Variants in ERCC8 observed in about 807,000 individuals in gnomAD.
ERCC8 encodes ERCC excision repair 8, CSA ubiquitin ligase complex subunit, also known as DNA excision repair protein ERCC-8.
In ERCC8, 52 loss-of-function variants were observed where a neutral mutation model predicts 54.9. That is an observed-to-expected ratio of 0.95 (90% CI 0.76 to 1.19). The LOEUF (loss-of-function observed/expected upper bound fraction) is 1.19, where lower values mean the gene tolerates loss of function less well. Ranked by LOEUF, ERCC8 falls within the 50% of genes most tolerant of loss-of-function variation. The pLI, the probability that ERCC8 is intolerant of heterozygous loss-of-function variation, is 0.00. For synonymous variants in ERCC8, 146 were observed against 157.2 expected, an observed-to-expected ratio of 0.93 and a Z score of 0.53; for missense variants, 514 against 466.1, an observed-to-expected ratio of 1.10 and a Z score of -0.95.
chr5:60,910,176 G>T, intron 4 of ERCC8, among the ~76,000 whole-genome samples: 1 of 152,116 alleles, frequency 6.6e-6, no homozygotes, highest in South Asian at 2.1e-4. Flanking sequence ...AGGGTTACCT[G>T]TATTATCATA....
chr5:60,877,913 A>C (rs1192208416), intron 11 of ERCC8, among the ~76,000 whole-genome samples: 11 of 152,156 alleles, frequency 7.2e-5, no homozygotes, highest in Admixed American at 2.0e-4. Context: ...ACTATGTTGA[A>C]TAGGAGTGGT....
At position 60,874,652 on chromosome 5, in the gene ERCC8, A is replaced by C. The variant is rs757529880; in HGVS notation, c.1154T>G (p.Phe385Cys). ...ATCACTGCTGCTCCAGGCATCTTCA[A>C]AGGCCGGATTTAATTGTGATTTTGT... is the stretch of plus-strand genomic sequence containing the variant. The part of the protein sequence containing the change: ...TTTKSQLNPA[F>C]EDAWSSSDEE... Residue 385 changes from phenylalanine (F) to cysteine (C), a missense_variant, in exon 12 of 12, where the codon TTT becomes TGT. Coordinates refer to ENST00000676185, the MANE Select transcript of ERCC8 (RefSeq NM_000082.4). 1.9e-6 allele frequency: 3 copies of C among 1,613,138 alleles called. No homozygotes were observed. In the East Asian group the frequency reaches 6.7e-5, roughly 36 times the overall value.
chr5:60,938,348 GA>G (rs199546245), intron 1 of ERCC8, among the ~76,000 whole-genome samples: 17,719 of 85,326 alleles, frequency 0.21, 2,010 homozygotes, highest in African/African-American at 0.31. Flanking sequence ...CTACCTTTTT[GA>G]ATTTTTTTTT....
chr5:60,914,789 T>TA (rs55638584), intron 4 of ERCC8, among the ~76,000 whole-genome samples: 59,780 of 121,122 alleles, frequency 0.49, 15,687 homozygotes, highest in East Asian at 0.8. Flanking sequence ...TCTTGTCTCT[T>TA]AAAAAAAAAA....
At chr5:60,929,000 T>A (rs1749831093) in intron 1 of ERCC8, 41 bp from the exon 2 acceptor site, 1 of 1,212,402 alleles carries the variant, frequency 8.2e-7, no homozygotes, top group Non-Finnish European at 1.2e-6. Flanking sequence ...ACAAGTAATT[T>A]AACATTTAAA....
rs550950067 is a variant in ERCC8, at chr5:60,884,534, T to G, written c.1122+2906A>C. ...ATATGTGTGTATGTGTTTTTTTTTT[T>G]TTTGTTTTCTAGTGTGGTATACTGC... On this transcript the variant is annotated intron_variant, in intron 11 of 11. Transcript: ENST00000676185. 5.6e-4 allele frequency among the ~76,000 whole-genome samples: 84 copies of G among 150,628 alleles called. 1 individual carries two copies. Among genetic ancestry groups the G allele is most frequent in the East Asian group, 1.4e-3 (7 of 5,182 alleles).
At position 60,928,930 on chromosome 5, in the gene ERCC8, C is replaced by G. The variant is rs138096094; in HGVS notation, c.107G>C (p.Arg36Thr). The stretch of plus-strand genomic sequence containing the variant: ...ACCGCCGTGGATTCTTTCAACATCT[C>G]TGTCTTTATTTAATTCCAGTCCCAA... Reference protein sequence around the residue: ...RVLGLELNKDRDVERIHGGGI... With the variant: ...RVLGLELNKDTDVERIHGGGI... Residue 36 changes from arginine (R) to threonine (T), a missense_variant, in exon 2 of 12, where the codon AGA (arginine) becomes ACA (threonine). Coordinates refer to ENST00000676185, the MANE Select transcript of ERCC8 (RefSeq NM_000082.4). 1.2e-6 allele frequency: 2 copies of G among 1,607,504 alleles called. No homozygotes were observed. Among genetic ancestry groups the G allele is most frequent in the Non-Finnish European group, 8.5e-7 (1 of 1,175,140 alleles).
intron 4 of ERCC8, 60 bp downstream of exon 4, chr5:60,918,204 GT>G: frequency 7.7e-7 from 1 of 1,299,032 alleles, no homozygotes; most frequent in South Asian, 1.2e-5. Context: ...TACTAAAATG[GT>G]TTAGGATTAA....
intron 7 of ERCC8, 73 bp downstream of exon 7, chr5:60,902,369 T>C (rs1333749336): frequency 1.8e-6 from 2 of 1,102,396 alleles, no homozygotes; most frequent in Non-Finnish European, 2.8e-6. Flanking sequence ...AATATATACA[T>C]TACATAAATG....
At chr5:60,892,737 G>C in intron 9 of ERCC8, 1 of 697,264 alleles carries the variant, frequency 1.4e-6, no homozygotes, top group Non-Finnish European at 2.6e-6. Flanking sequence ...CTCTGAGCTG[G>C]GCCCTGGAAC....
intron 10 of ERCC8, among the ~76,000 whole-genome samples, chr5:60,890,565 G>A (rs534979475): frequency 6.6e-6 from 1 of 152,092 alleles, no homozygotes; most frequent in African/African-American, 2.4e-5. Context: ...ATGATTAAAT[G>A]CCTATATTTT....
chr5:60,937,392 G>A (rs1323296722), intron 1 of ERCC8, among the ~76,000 whole-genome samples: 1 of 152,120 alleles, frequency 6.6e-6, no homozygotes, highest in African/African-American at 2.4e-5. Flanking sequence ...CAGCTACCAG[G>A]GCAGGTAGAG....
At chr5:60,932,659 T>C in intron 1 of ERCC8, among the ~76,000 whole-genome samples, 1 of 151,790 alleles carries the variant, frequency 6.6e-6, no homozygotes, top group East Asian at 1.9e-4. Context: ...CTTTGCTGAG[T>C]TTATCTTGTA....
chr5:60,897,028 C>A (rs1580000625), intron 9 of ERCC8, among the ~76,000 whole-genome samples: 1 of 152,156 alleles, frequency 6.6e-6, no homozygotes, highest in East Asian at 1.9e-4. Flanking sequence ...TCCTTCTGTT[C>A]CTCATCTGTT....
intron 3 of ERCC8, among the ~76,000 whole-genome samples, chr5:60,919,833 C>T (rs138486280): frequency 2.8e-4 from 42 of 151,796 alleles, no homozygotes; most frequent in Non-Finnish European, 5.2e-4. Context: ...TGAAGATTTG[C>T]ATTAGGTTAG....
At chr5:60,916,834 T>A (rs2112514486) in intron 4 of ERCC8, among the ~76,000 whole-genome samples, 1 of 152,138 alleles carries the variant, frequency 6.6e-6, no homozygotes, top group South Asian at 2.1e-4. Context: ...TTGTTAGTCA[T>A]CCCTAAAGCA....
chr5:60,881,367 A>G (rs1748216511), intron 11 of ERCC8, among the ~76,000 whole-genome samples: 1 of 152,120 alleles, frequency 6.6e-6, no homozygotes, highest in African/African-American at 2.4e-5. Context: ...TGCTGGGAGA[A>G]CCACTATTCT....
intron 2 of ERCC8, among the ~76,000 whole-genome samples, chr5:60,927,725 T>A (rs1419748876): frequency 6.6e-6 from 1 of 152,148 alleles, no homozygotes; most frequent in Non-Finnish European, 1.5e-5. Context: ...TGTCTGCATG[T>A]TTCATAAGTG....
intron 11 of ERCC8, among the ~76,000 whole-genome samples, chr5:60,877,495 T>G (rs1255413891): frequency 6.6e-6 from 1 of 152,226 alleles, no homozygotes. Context: ...TATTGATTCT[T>G]CCTACCCATG....
Sources: allele counts gnomAD v4.1 joint callset (sites outside exome capture counted in the v4.1 genomes callset), GRCh38; gene constraint gnomAD v4.1.1; transcripts MANE v1.5; gene names NCBI Gene and HGNC (gene_info 2026-07-23, HGNC 2026-07-21).